Variants in LRP6 observed in about 807,000 individuals in gnomAD.
LRP6 encodes LDL receptor related protein 6.
In LRP6, 43 loss-of-function variants were observed where a neutral mutation model predicts 184.1. That is an observed-to-expected ratio of 0.23 (90% CI 0.18 to 0.30). The LOEUF (loss-of-function observed/expected upper bound fraction) is 0.30, where lower values mean the gene tolerates loss of function less well. LRP6 is among the 10% of genes least tolerant of loss of function. LRP6 has a pLI of 1.00. For synonymous variants in LRP6, 719 were observed against 684.9 expected, an observed-to-expected ratio of 1.05 and a Z score of -0.78; for missense variants, 1,571 against 2,005.3, an observed-to-expected ratio of 0.78 and a Z score of 4.14.
intron 1 of LRP6, chr12:12,249,100 A>AC: frequency 2.8e-6 from 2 of 706,838 alleles, no homozygotes; most frequent in South Asian, 3.0e-5. Flanking sequence ...TGAGGTCTAG[A>AC]CAATGATAAA....
At chr12:12,232,581 A>C (rs1864819493) in intron 2 of LRP6, among the ~76,000 whole-genome samples, 1 of 95,276 alleles carries the variant, frequency 1.0e-5, no homozygotes, top group Non-Finnish European at 2.6e-5. Context: ...AGAATCCAGC[A>C]GGTGCAAAAA....
At chr12:12,227,989 G>C (rs764957209) in intron 2 of LRP6, among the ~76,000 whole-genome samples, 4 of 152,176 alleles carry the variant, frequency 2.6e-5, no homozygotes, top group Admixed American at 6.5e-5. Flanking sequence ...CATTTTTAGT[G>C]GTCAGTGGTC....
intron 2 of LRP6, among the ~76,000 whole-genome samples, chr12:12,233,682 C>T (rs149245278): frequency 1.3e-5 from 2 of 152,252 alleles, no homozygotes; most frequent in East Asian, 3.9e-4. Context: ...ATTTCTGAGA[C>T]ACAGATATCT....
chr12:12,141,950 G>A (rs1172560629), intron 15 of LRP6, among the ~76,000 whole-genome samples: 1 of 152,128 alleles, frequency 6.6e-6, no homozygotes, highest in African/African-American at 2.4e-5. Context: ...ATGCTGGGGA[G>A]GATGGAAAGA....
At chr12:12,216,655 TA>T (rs34936968) in intron 2 of LRP6, among the ~76,000 whole-genome samples, 1,381 of 136,940 alleles carry the variant, frequency 0.01, 7 homozygotes, top group Non-Finnish European at 0.016. Context: ...ACTTAAAATT[TA>T]AAAAAAAAAA....
intron 2 of LRP6, among the ~76,000 whole-genome samples, chr12:12,215,373 G>C (rs1280342248): frequency 6.6e-6 from 1 of 152,092 alleles, no homozygotes; most frequent in Non-Finnish European, 1.5e-5. Flanking sequence ...AAACAGTACT[G>C]TTGTTTACTA....
At chr12:12,140,591 T>C (rs1286356640) in intron 15 of LRP6, among the ~76,000 whole-genome samples, 3 of 145,616 alleles carry the variant, frequency 2.1e-5, no homozygotes, top group South Asian at 4.6e-4. Flanking sequence ...AGCACGAGCA[T>C]AGATTTTAAA....
At chr12:12,243,492 T>G (rs979287969) in intron 2 of LRP6, among the ~76,000 whole-genome samples, 1 of 152,226 alleles carries the variant, frequency 6.6e-6, no homozygotes, top group Admixed American at 6.5e-5. Context: ...TATCAAATAC[T>G]TCTCATTTCA....
chr12:12,266,936 C>A lies in LRP6; in HGVS notation c.-201G>T. The stretch of plus-strand genomic sequence containing the variant: ...CTACCGCGCCGCTCGGCCCCGGGCT[C>A]GCGCGACGCCAGCGTCTGCTTCCAT... On this transcript the variant is annotated 5_prime_UTR_variant, in exon 1 of 23. Coordinates refer to ENST00000261349, the MANE Select transcript of LRP6 (RefSeq NM_002336.3). 1 of 581,150 alleles carries A rather than the reference C, an allele frequency of 1.7e-6. No individual in the cohort carries two copies. Among genetic ancestry groups the A allele is most frequent in the South Asian group, 2.1e-5 (1 of 47,984 alleles). The allele number at this position is 581,150 out of a possible 1,614,324, so 36.0% of individuals were successfully genotyped here.
At position 12,196,488 on chromosome 12, in the gene LRP6, T is replaced by C. The variant is rs529030442; in HGVS notation, c.647+6715A>G. On this transcript the variant is annotated intron_variant, in intron 3 of 22. Transcript: ENST00000261349. ...TAAATGACACTGCCTTCTTAATTTC[T>C]TTTTCAGCTAGTTTGTTGTTTGTGT... 2.6e-5 allele frequency among the ~76,000 whole-genome samples: 4 copies of C among 152,292 alleles called. No individual in the cohort carries two copies. The East Asian group carries it at 7.7e-4, about 29-fold the overall frequency.
intron 17 of LRP6, among the ~76,000 whole-genome samples, chr12:12,132,672 C>A (rs1358587827): frequency 6.6e-6 from 1 of 152,074 alleles, no homozygotes; most frequent in Admixed American, 6.5e-5. Flanking sequence ...AACAAACACA[C>A]AAAAAGACCA....
At chr12:12,204,544 A>T (rs1378395941) in intron 2 of LRP6, among the ~76,000 whole-genome samples, 1 of 150,988 alleles carries the variant, frequency 6.6e-6, no homozygotes, top group East Asian at 1.9e-4. Flanking sequence ...CTTCTATTCC[A>T]CAAGTTTGAA....
chr12:12,251,647 C>T (rs1027044380), intron 1 of LRP6, among the ~76,000 whole-genome samples: 1 of 152,150 alleles, frequency 6.6e-6, no homozygotes, highest in African/African-American at 2.4e-5. Context: ...GAATTACAGG[C>T]ATGAGCCACG....
intron 1 of LRP6, among the ~76,000 whole-genome samples, chr12:12,260,717 T>C (rs756852542): frequency 9.9e-5 from 15 of 152,212 alleles, no homozygotes; most frequent in Non-Finnish European, 1.6e-4. Flanking sequence ...TTGCAAGTTA[T>C]ATCCCCACCT....
Position 12,248,471 on chromosome 12 carries a change from C to CTT in LRP6, c.56-3818_56-3817dup, listed in dbSNP as rs71061030. ...CAGTGGTCTTTTCTCAGTCTTTACT[C>CTT]TTTTTTTTTTTTTTTTTTTTTTTTT... On this transcript the variant is annotated intron_variant, in intron 1 of 22. Transcript: ENST00000261349. 9.5e-3 allele frequency among the ~76,000 whole-genome samples: 599 copies of CTT among 62,792 alleles called. 125 individuals carry two copies. Among genetic ancestry groups the CTT allele is most frequent in the African/African-American group, 0.033 (562 of 17,152 alleles). The allele number at this position is 62,792 out of a possible 152,430, so 41.2% of individuals were successfully genotyped here.
intron 7 of LRP6, among the ~76,000 whole-genome samples, chr12:12,179,183 A>C (rs568336628): frequency 1.3e-5 from 2 of 152,272 alleles, no homozygotes; most frequent in African/African-American, 2.4e-5. Context: ...TTTTCACCAT[A>C]ATCTATTTGA....
At chr12:12,205,935 T>C (rs536478432) in intron 2 of LRP6, among the ~76,000 whole-genome samples, 25 of 152,348 alleles carry the variant, frequency 1.6e-4, no homozygotes, top group Middle Eastern at 6.8e-3. Flanking sequence ...CAACAGACTA[T>C]GTATAAAATG....
chr12:12,144,221 T>G lies in LRP6; in HGVS notation c.3397+3145A>C, dbSNP rs150998055. 5.1e-3 allele frequency among the ~76,000 whole-genome samples: 772 copies of G among 152,326 alleles called. 3 individuals carry two copies. The highest frequency in any genetic ancestry group is 0.01 in the Middle Eastern group (3 of 294). Reference sequence around the variant, plus strand: ...CTTTCAAGTTACCAGTTTTGGGTTATTTTTTGAGACAGGGTCTCGGCTTTA... The same window carrying G: ...CTTTCAAGTTACCAGTTTTGGGTTAGTTTTTGAGACAGGGTCTCGGCTTTA... On this transcript the variant is annotated intron_variant, in intron 15 of 22. Transcript: ENST00000261349.
chr12:12,200,390 CATGA>C, intron 3 of LRP6, among the ~76,000 whole-genome samples: 1 of 152,280 alleles, frequency 6.6e-6, no homozygotes, highest in South Asian at 2.1e-4. Flanking sequence ...CAACTCTGTT[CATGA>C]ATGTGTCCTC....
Sources: gnomAD v4.1 joint callset for allele counts (sites outside exome capture counted in the v4.1 genomes callset) on GRCh38, gnomAD v4.1.1 for gene constraint, MANE v1.5 for transcripts, NCBI Gene and HGNC (gene_info 2026-07-23, HGNC 2026-07-21) for gene names.